Variants in ATP13A2 observed in about 807,000 individuals in gnomAD.
ATP13A2 encodes the protein polyamine-transporting ATPase 13A2.
Under a neutral mutation model 138.3 loss-of-function variants are expected in ATP13A2, and 83 were observed. The observed-to-expected ratio is 0.60, with a 90% CI of 0.50 to 0.72. The LOEUF is 0.72. Ranked by LOEUF, ATP13A2 falls within the 30% of genes least tolerant of loss-of-function variation. ATP13A2 has a pLI of 0.00. For missense variants in ATP13A2, 1,402 were observed against 1,606.4 expected, an observed-to-expected ratio of 0.87 and a Z score of 2.17; for synonymous variants, 663 against 699.0, an observed-to-expected ratio of 0.95 and a Z score of 0.81.
chr1:17,009,792 G>A lies in ATP13A2; in HGVS notation c.10+1937C>T, dbSNP rs571213169. On this transcript the variant is annotated intron_variant, in intron 1 of 28. Coordinates refer to ENST00000326735, the MANE Select transcript of ATP13A2 (RefSeq NM_022089.4). ...TGGGAAGTTCTTCCTCATGGCAATC[G>A]TATGACTGTCACTTCACAATGACAC... Among the ~76,000 whole-genome samples, 171 of 152,272 alleles carry A rather than the reference G, an allele frequency of 1.1e-3. 1 individual carries two copies. Among genetic ancestry groups the A allele is most frequent in the African/African-American group, 3.9e-3 (163 of 41,554 alleles).
chr1:17,007,827 A>G (rs1360076133), intron 1 of ATP13A2, among the ~76,000 whole-genome samples: 2 of 152,114 alleles, frequency 1.3e-5, no homozygotes, highest in Non-Finnish European at 2.9e-5. Flanking sequence ...CTGGGATTAC[A>G]GGCGTGAGCC....
In ATP13A2 at chr1:17,000,718, G is replaced by A. The variant is rs537394162; in HGVS notation, c.706-184C>T. On this transcript the variant is annotated intron_variant, in intron 8 of 28. Coordinates refer to ENST00000326735, the MANE Select transcript of ATP13A2 (RefSeq NM_022089.4). ...CATCCCCAGGGCCCTCAGTTTCTCC[G>A]CTCTAAAGAGGACAAGGGTTTATGA... is the stretch of plus-strand genomic sequence containing the variant. 29 of 730,132 alleles carry A rather than the reference G, an allele frequency of 4.0e-5. No individual in the cohort carries two copies. The East Asian group carries it at 5.7e-4, about 14-fold the overall frequency. 45.2% of individuals were successfully genotyped at this position (730,132 alleles called of 1,614,324 possible).
intron 1 of ATP13A2, among the ~76,000 whole-genome samples, chr1:17,010,681 A>T (rs1294775963): frequency 1.3e-5 from 2 of 152,212 alleles, no homozygotes; most frequent in Non-Finnish European, 2.9e-5. Context: ...AGAGGAGTAG[A>T]TTGACAAGCA....
chr1:17,000,679 C>T, intron 8 of ATP13A2, 145 bp from the exon 9 acceptor site: 1 of 1,072,568 alleles, frequency 9.3e-7, no homozygotes, highest in Admixed American at 2.8e-5. Context: ...CAATCCCATC[C>T]CCACCCAACC....
intron 20 of ATP13A2, among the ~76,000 whole-genome samples, chr1:16,990,559 C>T (rs2076894847): frequency 6.6e-6 from 1 of 152,168 alleles, no homozygotes; most frequent in African/African-American, 2.4e-5. Flanking sequence ...TCTCTGTGGC[C>T]CAGGCTGGAG....
intron 1 of ATP13A2, among the ~76,000 whole-genome samples, chr1:17,010,033 G>C (rs576309502): frequency 6.7e-4 from 102 of 152,268 alleles, no homozygotes; most frequent in African/African-American, 2.3e-3. Flanking sequence ...TGTGTGGGGG[G>C]GCGAGAGCAC....
intron 1 of ATP13A2, among the ~76,000 whole-genome samples, chr1:17,007,319 C>A (rs918079174): frequency 1.6e-4 from 24 of 152,168 alleles, no homozygotes; most frequent in Non-Finnish European, 3.4e-4. Context: ...GGTTCATCTA[C>A]GGTCCCAGAC....
At position 16,991,381 on chromosome 1, in the gene ATP13A2, G is replaced by A. The variant is rs372542407; in HGVS notation, c.2251+353C>T. ...ATTACAGGCATGAAGTACCGTGCCC[G>A]GCCAGAATCTTTCTCTTCCTGCTCC... is the stretch of plus-strand genomic sequence containing the variant. On this transcript the variant is annotated intron_variant, in intron 20 of 28. Transcript: ENST00000326735. 4.3e-4 allele frequency among the ~76,000 whole-genome samples: 66 copies of A among 152,228 alleles called. 1 individual carries two copies. The highest frequency in any genetic ancestry group is 1.5e-3 in the African/African-American group (61 of 41,540).
Position 17,004,993 on chromosome 1 carries a change from G to C in ATP13A2, c.347+21C>G, listed in dbSNP as rs369067185. The C allele has an allele frequency of 5.7e-5, 92 of 1,613,508 alleles. No individual in the cohort carries two copies. The highest frequency in any genetic ancestry group is 7.6e-5 in the Non-Finnish European group (90 of 1,179,988). On this transcript the variant is annotated intron_variant, in intron 4 of 28. Transcript: ENST00000326735. The surrounding 1 kb of genome is among the most constrained non-coding windows in gnomAD (Gnocchi z 4.1). Reference sequence around the variant, plus strand: ...CCAGGGTAGCAGGGGCTTCTGGGAAGGGGCAATGGGGCTGCCTCACCTGCC... The same window carrying C: ...CCAGGGTAGCAGGGGCTTCTGGGAACGGGCAATGGGGCTGCCTCACCTGCC...
At chr1:17,002,137 G>A in intron 7 of ATP13A2, 34 bp from the exon 8 acceptor site, 1 of 1,607,566 alleles carries the variant, frequency 6.2e-7, no homozygotes, top group Non-Finnish European at 8.5e-7. Context: ...CCATCAGAAG[G>A]AGGAGCTGTG....
chr1:16,991,015 T>C (rs1328165538), intron 20 of ATP13A2, among the ~76,000 whole-genome samples: 5 of 151,546 alleles, frequency 3.3e-5, no homozygotes, highest in Admixed American at 1.3e-4. Flanking sequence ...AATGGCGTGA[T>C]CTCAGCTCAC....
In ATP13A2 at chr1:16,990,362, G is replaced by C. The variant is rs941876051; in HGVS notation, c.2252-75C>G. 3 of 1,575,400 alleles carry C rather than the reference G, an allele frequency of 1.9e-6. No homozygotes were observed. The African/African-American group carries it at 4.0e-5, about 21-fold the overall frequency. On this transcript the variant is annotated intron_variant, in intron 20 of 28. Coordinates refer to ENST00000326735, the MANE Select transcript of ATP13A2 (RefSeq NM_022089.4). ...TCCTCATCCTGATCCTTACAGATGG[G>C]AAAACAGGCTGGATGAAATCCGTCT...
In ATP13A2 at chr1:16,986,547, C is replaced by T. The variant is rs751916254; in HGVS notation, c.3321G>A (p.Ala1107=). The T allele has an allele frequency of 4.3e-5, 70 of 1,612,394 alleles. No homozygotes were observed. In the Middle Eastern group the frequency reaches 4.9e-4, roughly 11 times the overall value. Residue 1107 remains alanine, a synonymous_variant, in exon 28 of 29, where the codon GCG becomes GCA. Transcript: ENST00000326735. The surrounding 1 kb of genome is among the most constrained non-coding windows in gnomAD (Gnocchi z 6.9). ...AGCCGGTGTCAGTGATGTTCCTCAG[C>T]GCCAGCGGCCCCTGCAGGAGGCCGG... ...LVPGLLQGPL[A]LRNITDTGFK...
At position 16,986,282 on chromosome 1, in the gene ATP13A2, T is replaced by C. The variant is rs1476682159; in HGVS notation, c.3482A>G (p.Gln1161Arg). Residue 1161 changes from glutamine (Q) to arginine (R), a missense_variant, in exon 29 of 29, where the codon CAG becomes CGG. Transcript: ENST00000326735. The surrounding 1 kb of genome is among the most constrained non-coding windows in gnomAD (Gnocchi z 6.9). ...PKRASKKRFK[Q>R]LERELAEQPW... ...CTGCTCGGCCAGCTCTCGTTCCAGCTGCTTGAAGCGCTTCTTGGAGGCCCG... is the reference window on the plus strand; with the variant it reads ...CTGCTCGGCCAGCTCTCGTTCCAGCCGCTTGAAGCGCTTCTTGGAGGCCCG... 3.7e-6 allele frequency: 6 copies of C among 1,604,320 alleles called. No individual in the cohort carries two copies. Among genetic ancestry groups the C allele is most frequent in the Non-Finnish European group, 5.1e-6 (6 of 1,176,430 alleles).
chr1:17,003,792 T>C (rs1402553597), intron 6 of ATP13A2, among the ~76,000 whole-genome samples: 4 of 151,868 alleles, frequency 2.6e-5, no homozygotes, highest in Non-Finnish European at 5.9e-5. Flanking sequence ...GCCTCCCAAG[T>C]AGCTGGGATT....
Position 16,989,786 on chromosome 1 carries a change from G to T in ATP13A2, c.2530-16C>A. ...GGACCAGGACCTGGGAGCACAGGGA[G>T]ATGGGGGAGGGCTGAGGCACCCACC... On this transcript the variant is annotated splice_polypyrimidine_tract_variant and intron_variant, in intron 22 of 28. Transcript: ENST00000326735. The T allele has an allele frequency of 6.2e-7, 1 of 1,613,818 alleles. No homozygotes were observed. The highest frequency in any genetic ancestry group is 8.5e-7 in the Non-Finnish European group (1 of 1,179,846).
intron 10 of ATP13A2, 52 bp from the exon 11 acceptor site, chr1:17,000,194 G>GCTCCCC: frequency 6.4e-7 from 1 of 1,570,254 alleles, no homozygotes; most frequent in Non-Finnish European, 8.7e-7. Context: ...CCCCAGCCAT[G>GCTCCCC]CCCCCCCACC....
chr1:17,002,544 T>C (rs2077400167), intron 6 of ATP13A2, among the ~76,000 whole-genome samples, 171 bp from the exon 7 acceptor site: 1 of 152,232 alleles, frequency 6.6e-6, no homozygotes, highest in Non-Finnish European at 1.5e-5. Context: ...TTTGCCCTTT[T>C]GTTCCTCTCA....
At chr1:16,987,521 C>T (rs2076780359) in intron 25 of ATP13A2, among the ~76,000 whole-genome samples, 1 of 152,190 alleles carries the variant, frequency 6.6e-6, no homozygotes, top group South Asian at 2.1e-4. Flanking sequence ...GGTTTCCCTC[C>T]CTGTAACAAA....
Sources: gnomAD v4.1 joint callset for allele counts (sites outside exome capture counted in the v4.1 genomes callset) on GRCh38, gnomAD v4.1.1 for gene constraint, Gnocchi (gnomAD v3.1) non-coding constraint, MANE v1.5 for transcripts, NCBI Gene and HGNC (gene_info 2026-07-23, HGNC 2026-07-21) for gene names.